The following ITPR1 variants were observed in gnomAD, a reference collection of about 807,000 sequenced individuals.
ITPR1 encodes inositol 1,4,5-trisphosphate receptor type 1, also known as inositol 1,4,5-trisphosphate-gated calcium channel ITPR1.
A neutral mutation model predicts 318.4 loss-of-function variants in ITPR1; 96 were observed. That is an observed-to-expected ratio of 0.30 (90% CI 0.26 to 0.36). The LOEUF is 0.36. Ranked by LOEUF, ITPR1 falls within the 10% of genes least tolerant of loss-of-function variation. The pLI is 1.00. For missense variants in ITPR1, 2,440 were observed against 3,460.2 expected, an observed-to-expected ratio of 0.71 and a Z score of 7.40; for synonymous variants, 1,312 against 1,289.9, an observed-to-expected ratio of 1.02 and a Z score of -0.37.
chr3:4,674,271 G>A lies in ITPR1; in HGVS notation c.2526G>A (p.Glu842=), dbSNP rs1357201989. 6 of 1,590,002 alleles carry A rather than the reference G, an allele frequency of 3.8e-6. No individual in the cohort carries two copies. The highest frequency in any genetic ancestry group is 5.1e-6 in the Non-Finnish European group (6 of 1,166,402). ...TTGCTCAGACCATGGAGTTTGTGGA[G>A]GAGTATTTAAGAGATGTGGTTTGTC... ...ERFAQTMEFV[E]EYLRDVVCQR... Residue 842 remains glutamate, a synonymous_variant, in exon 22 of 62, where the codon GAG becomes GAA. Transcript: ENST00000649015.
chr3:4,697,336 G>GTGTGTGTGTGTGTGTGTGTGTT, intron 34 of ITPR1, 64 bp downstream of exon 34: 39 of 1,409,358 alleles, frequency 2.8e-5, no homozygotes, highest in Admixed American at 4.2e-5. Flanking sequence ...GTGTGTGTGT[G>GTGTGTGTGTGTGTGTGTGTGTT]TGTGTGTGTG....
At chr3:4,630,007 C>T (rs1241773814) in intron 5 of ITPR1, among the ~76,000 whole-genome samples, 2 of 152,010 alleles carry the variant, frequency 1.3e-5, no homozygotes, top group Non-Finnish European at 2.9e-5. Flanking sequence ...AGCATTGTAC[C>T]TTCTTTAGAG....
At chr3:4,537,720 G>A (rs1047815504) in intron 4 of ITPR1, among the ~76,000 whole-genome samples, 37 of 145,708 alleles carry the variant, frequency 2.5e-4, no homozygotes, top group Non-Finnish European at 4.7e-4. Context: ...CAAAAGTCAA[G>A]AAAATTGATT....
At chr3:4,699,545 G>C (rs774280070) in intron 34 of ITPR1, among the ~76,000 whole-genome samples, 1 of 152,190 alleles carries the variant, frequency 6.6e-6, no homozygotes, top group Admixed American at 6.5e-5. Flanking sequence ...GGATTTTCCA[G>C]ACACACGTAG....
chr3:4,604,861 G>T (rs577921571), intron 4 of ITPR1, among the ~76,000 whole-genome samples: 1 of 152,238 alleles, frequency 6.6e-6, no homozygotes, highest in Non-Finnish European at 1.5e-5. Context: ...GGACAGCATC[G>T]TGAGTCCTCA....
chr3:4,764,277 A>G (rs1012265345), intron 44 of ITPR1, among the ~76,000 whole-genome samples: 2 of 152,208 alleles, frequency 1.3e-5, no homozygotes, highest in Non-Finnish European at 2.9e-5. Context: ...GAATTCATTT[A>G]TTTTGGAGAT....
intron 4 of ITPR1, among the ~76,000 whole-genome samples, chr3:4,531,122 A>G (rs898057809): frequency 4.6e-5 from 7 of 152,110 alleles, no homozygotes; most frequent in Non-Finnish European, 1.0e-4. Flanking sequence ...TTAGCAATCA[A>G]GGTGTATCTG....
chr3:4,585,413 T>C (rs1460058218), intron 4 of ITPR1, among the ~76,000 whole-genome samples: 1 of 152,118 alleles, frequency 6.6e-6, no homozygotes, highest in Non-Finnish European at 1.5e-5. Flanking sequence ...TTACTACTAC[T>C]ACTAACATGC....
intron 45 of ITPR1, among the ~76,000 whole-genome samples, chr3:4,767,236 T>C (rs73807150): frequency 0.059 from 8,988 of 152,322 alleles, 878 homozygotes; most frequent in African/African-American, 0.21. Flanking sequence ...TCAACCACAG[T>C]ACAAGTGACA....
rs557921194 is a variant in ITPR1 at position 4,513,335 on chromosome 3, C to T, written c.-16-3141C>T. 2.6e-5 allele frequency among the ~76,000 whole-genome samples: 4 copies of T among 152,308 alleles called. No individual in the cohort carries two copies. The East Asian group carries it at 5.8e-4, about 22-fold the overall frequency. ...CCCCCCATCTCCTTCCTCCACTTCA[C>T]TAAGGCGAGGCCGGAGGAGATCTCC... On this transcript the variant is annotated intron_variant, in intron 2 of 61. Coordinates refer to ENST00000649015, the MANE Select transcript of ITPR1 (RefSeq NM_001378452.1).
intron 54 of ITPR1, among the ~76,000 whole-genome samples, chr3:4,801,132 T>C (rs1176954499): frequency 6.6e-6 from 1 of 152,164 alleles, no homozygotes; most frequent in Admixed American, 6.5e-5. Context: ...CATTGAAAGA[T>C]AGAAGCCAAT....
intron 4 of ITPR1, among the ~76,000 whole-genome samples, chr3:4,592,852 G>A (rs145444334): frequency 1.2e-3 from 181 of 152,332 alleles, no homozygotes; most frequent in African/African-American, 4.1e-3. Context: ...TTTGGAGCAA[G>A]GAGATTGAGT....
intron 5 of ITPR1, among the ~76,000 whole-genome samples, chr3:4,630,561 C>CATT (rs71053435): frequency 0.13 from 17,338 of 138,538 alleles, 1,191 homozygotes; most frequent in African/African-American, 0.19. Context: ...AAATTGTCCG[C>CATT]ATTATTATTA....
At chr3:4,517,473 AT>A (rs1048947373) in intron 3 of ITPR1, among the ~76,000 whole-genome samples, 3 of 152,224 alleles carry the variant, frequency 2.0e-5, no homozygotes, top group African/African-American at 7.2e-5. Flanking sequence ...TATAGCTATT[AT>A]TTAAAGCATG....
intron 4 of ITPR1, among the ~76,000 whole-genome samples, chr3:4,567,535 A>G (rs1434760217): frequency 6.6e-6 from 1 of 152,154 alleles, no homozygotes; most frequent in Non-Finnish European, 1.5e-5. Flanking sequence ...ACAGTCAACC[A>G]CGTGCGGTGG....
At position 4,699,948 on chromosome 3, in the gene ITPR1, A is replaced by G; in HGVS notation, c.4536+7A>G. On this transcript the variant is annotated splice_region_variant and intron_variant, in intron 35 of 61. Transcript: ENST00000649015. Reference sequence around the variant, plus strand: ...CCAGAGTACGACTTTGCAGGTAAGAAATAACCAACGTCAAGCAGAATGTTC... The same window carrying G: ...CCAGAGTACGACTTTGCAGGTAAGAGATAACCAACGTCAAGCAGAATGTTC... 1 of 1,611,654 alleles carries G rather than the reference A, an allele frequency of 6.2e-7. No individual in the cohort carries two copies. Among genetic ancestry groups the G allele is most frequent in the Non-Finnish European group, 8.5e-7 (1 of 1,178,002 alleles).
chr3:4,815,276 G>A lies in ITPR1; in HGVS notation c.7867+58G>A, dbSNP rs531070354. On this transcript the variant is annotated intron_variant, in intron 59 of 61. Transcript: ENST00000649015. ...TGAAGGCCCAGCGTGGCAGAGGCAT[G>A]TGGATACTGCGAGGGTGTGATGGGC... 9 of 1,558,130 alleles carry A rather than the reference G, an allele frequency of 5.8e-6. No individual in the cohort carries two copies. The Middle Eastern group carries it at 8.5e-4, about 147-fold the overall frequency.
chr3:4,739,827 C>T (rs2043567800), intron 44 of ITPR1, among the ~76,000 whole-genome samples: 3 of 152,156 alleles, frequency 2.0e-5, no homozygotes, highest in Admixed American at 1.3e-4. Flanking sequence ...CTTAGAACAG[C>T]TTACGTGGTC....
intron 2 of ITPR1, among the ~76,000 whole-genome samples, chr3:4,502,643 G>A (rs1052366132): frequency 6.6e-6 from 1 of 151,854 alleles, no homozygotes. Flanking sequence ...ATTTCACCAT[G>A]TTGGCCAGGA....
Sources: allele counts gnomAD v4.1 joint callset (sites outside exome capture counted in the v4.1 genomes callset), GRCh38; gene constraint gnomAD v4.1.1; transcripts MANE v1.5; gene names NCBI Gene and HGNC (gene_info 2026-07-23, HGNC 2026-07-21).